Variants in RORA observed in about 807,000 individuals in gnomAD.
RORA encodes RAR related orphan receptor A.
A neutral mutation model predicts 69.5 loss-of-function variants in RORA; 7 were observed. That is an observed-to-expected ratio of 0.10 (90% CI 0.06 to 0.19). RORA has a LOEUF of 0.19. Among genes scored for constraint, RORA ranks in the 10% least tolerant of loss-of-function variants. The probability of loss-of-function intolerance (pLI) is 1.00; values close to 1 mark genes in which losing one functional copy is unlikely to be tolerated. For synonymous variants in RORA, 261 were observed against 240.8 expected, an observed-to-expected ratio of 1.08 and a Z score of -0.78; for missense variants, 457 against 663.0, an observed-to-expected ratio of 0.69 and a Z score of 3.41.
chr15:61,072,248 C>T (rs937863838), intron 1 of RORA, among the ~76,000 whole-genome samples: 1 of 151,960 alleles, frequency 6.6e-6, no homozygotes, highest in Admixed American at 6.5e-5. Flanking sequence ...GAGAAGACAT[C>T]ATTACCTGTA....
Position 60,497,417 on chromosome 15 carries a change from G to C in RORA, c.*38C>G, listed in dbSNP as rs779571492. On this transcript the variant is annotated 3_prime_UTR_variant, in exon 11 of 11. Coordinates refer to ENST00000335670, the MANE Select transcript of RORA (RefSeq NM_134261.3). ...ATTTTTTTGTTTGTTTTTCATGTTT[G>C]TACTTCAGACATTCTAGAAGTGCTT... 6.3e-7 allele frequency: 1 copy of C among 1,592,790 alleles called. No homozygotes were observed. The highest frequency in any genetic ancestry group is 8.6e-7 in the Non-Finnish European group (1 of 1,162,410).
chr15:60,575,736 TGCA>T (rs1216044965), intron 2 of RORA, among the ~76,000 whole-genome samples: 2 of 152,160 alleles, frequency 1.3e-5, no homozygotes, highest in Non-Finnish European at 2.9e-5. Context: ...CACCGAATAA[TGCA>T]AAACTTAGCT....
At chr15:60,664,061 G>T (rs1400952886) in intron 2 of RORA, among the ~76,000 whole-genome samples, 2 of 152,146 alleles carry the variant, frequency 1.3e-5, no homozygotes, top group Admixed American at 1.3e-4. Context: ...CTCAGGTGAA[G>T]CAATTTAGGG....
intron 2 of RORA, chr15:60,544,808 A>C (rs2067017855): frequency 6.6e-6 from 1 of 152,210 alleles, no homozygotes; most frequent in Non-Finnish European, 1.5e-5. Flanking sequence ...TTTTCAGAAC[A>C]AAACCTTTTC....
intron 1 of RORA, among the ~76,000 whole-genome samples, chr15:61,018,052 T>A (rs150645775): frequency 2.9e-4 from 44 of 152,358 alleles, no homozygotes; most frequent in African/African-American, 9.6e-4. Context: ...TATAGAAAAC[T>A]ATTCAACTGT....
intron 2 of RORA, chr15:60,615,137 T>G: frequency 7.3e-7 from 1 of 1,368,478 alleles, no homozygotes; most frequent in Non-Finnish European, 1.0e-6. Flanking sequence ...GTCCTAATGC[T>G]CTCTCGTGTT....
chr15:60,634,464 A>T (rs1156794910), intron 2 of RORA, among the ~76,000 whole-genome samples: 3 of 150,524 alleles, frequency 2.0e-5, no homozygotes, highest in African/African-American at 7.3e-5. Flanking sequence ...GAGCACTGAG[A>T]CACAATCTCG....
intron 2 of RORA, among the ~76,000 whole-genome samples, chr15:60,562,855 G>A (rs969621409): frequency 6.6e-6 from 1 of 152,128 alleles, no homozygotes; most frequent in Non-Finnish European, 1.5e-5. Flanking sequence ...GACATTACAG[G>A]CATGAGCCAC....
chr15:60,766,709 G>A (rs1435215289), intron 1 of RORA, among the ~76,000 whole-genome samples: 1 of 151,744 alleles, frequency 6.6e-6, no homozygotes, highest in African/African-American at 2.4e-5. Flanking sequence ...CCTCTCCCAG[G>A]AGCTTCTTGC....
At chr15:61,065,505 C>T (rs905148683) in intron 1 of RORA, among the ~76,000 whole-genome samples, 2 of 152,238 alleles carry the variant, frequency 1.3e-5, no homozygotes, top group African/African-American at 4.8e-5. Flanking sequence ...ATCCCACTAG[C>T]TCCATGAGGA....
At chr15:60,868,211 A>T in intron 1 of RORA, among the ~76,000 whole-genome samples, 1 of 152,204 alleles carries the variant, frequency 6.6e-6, no homozygotes, top group Non-Finnish European at 1.5e-5. Flanking sequence ...TGAGAGTCAG[A>T]GCTGGCTGGA....
At chr15:60,579,936 C>A (rs2068144105) in intron 2 of RORA, among the ~76,000 whole-genome samples, 1 of 152,092 alleles carries the variant, frequency 6.6e-6, no homozygotes, top group Non-Finnish European at 1.5e-5. Context: ...TCCCTAGAGC[C>A]TTGAGAAAGC....
In RORA at chr15:61,079,069, C is replaced by T. The variant is rs773641803; in HGVS notation, c.166+149984G>A. The stretch of plus-strand genomic sequence containing the variant: ...CTCCCACTCTGCCTTCTTAGCTTCA[C>T]GTGCCCAAAACTCCCTTACTAACCA... On this transcript the variant is annotated intron_variant, in intron 1 of 10. Transcript: ENST00000335670. Among the ~76,000 whole-genome samples, 19 of 152,016 alleles carry T rather than the reference C, an allele frequency of 1.2e-4. 1 individual carries two copies. The highest frequency in any genetic ancestry group is 4.6e-4 in the African/African-American group (19 of 41,398).
At chr15:60,813,789 G>A (rs1054983818) in intron 1 of RORA, among the ~76,000 whole-genome samples, 6 of 152,126 alleles carry the variant, frequency 3.9e-5, no homozygotes, top group Admixed American at 6.5e-5. Flanking sequence ...TTTTATCTTT[G>A]AAATAATCCT....
At chr15:60,622,738 T>G (rs2069451336) in intron 2 of RORA, among the ~76,000 whole-genome samples, 1 of 152,140 alleles carries the variant, frequency 6.6e-6, no homozygotes, top group Admixed American at 6.5e-5. Context: ...TTTTTTGAGG[T>G]GCAGTCTCGC....
At chr15:60,535,006 G>A (rs1188330585) in intron 2 of RORA, among the ~76,000 whole-genome samples, 1 of 152,188 alleles carries the variant, frequency 6.6e-6, no homozygotes, top group African/African-American at 2.4e-5. Flanking sequence ...ACAAGAAGGA[G>A]GAAGACAAAA....
At chr15:60,770,172 C>T (rs888236061) in intron 1 of RORA, among the ~76,000 whole-genome samples, 1 of 152,060 alleles carries the variant, frequency 6.6e-6, no homozygotes, top group Non-Finnish European at 1.5e-5. Flanking sequence ...TGAATGCTGC[C>T]CATTTAAATT....
chr15:61,189,726 G>A (rs1005318708), intron 1 of RORA, among the ~76,000 whole-genome samples: 9 of 151,510 alleles, frequency 5.9e-5, no homozygotes, highest in Admixed American at 1.3e-4. Flanking sequence ...GAATGGTGGC[G>A]GGCACCTGTT....
chr15:60,574,209 C>T (rs770758728), intron 2 of RORA, among the ~76,000 whole-genome samples: 7 of 152,170 alleles, frequency 4.6e-5, no homozygotes, highest in Non-Finnish European at 7.3e-5. Context: ...AGACAGGTTG[C>T]TCTGCGTCTC....
Sources: gnomAD v4.1 joint callset for allele counts (sites outside exome capture counted in the v4.1 genomes callset) on GRCh38, gnomAD v4.1.1 for gene constraint, MANE v1.5 for transcripts, NCBI Gene and HGNC (gene_info 2026-07-23, HGNC 2026-07-21) for gene names.